Variants in KCTD20 observed in about 807,000 individuals in gnomAD.
KCTD20 encodes BTB/POZ domain-containing protein KCTD20.
A neutral mutation model predicts 39.6 loss-of-function variants in KCTD20; 30 were observed. The ratio of observed to expected loss-of-function variants is 0.76; its 90% CI spans 0.57 to 1.03. The LOEUF is 1.03. Ranked by LOEUF, KCTD20 falls within the 50% of genes least tolerant of loss-of-function variation. The probability of loss-of-function intolerance (pLI) is 0.00; values close to 1 mark genes in which losing one functional copy is unlikely to be tolerated. For missense variants in KCTD20, 422 were observed against 522.0 expected (o/e 0.81, Z 1.87); for synonymous variants, 162 against 180.6 (o/e 0.90, Z 0.83).
Position 36,487,913 on chromosome 6 carries a change from T to C in KCTD20, c.*738T>C, listed in dbSNP as rs774786753. On this transcript the variant is annotated 3_prime_UTR_variant, in exon 8 of 8. Transcript: ENST00000373731. ...TTTGGAATGAAACTCACAATGCAAGTAGAAGGACCTCTCCAAATCAGGCCA... is the reference window on the plus strand; with the variant it reads ...TTTGGAATGAAACTCACAATGCAAGCAGAAGGACCTCTCCAAATCAGGCCA... 1 of 152,176 alleles carries C rather than the reference T, an allele frequency of 6.6e-6. No homozygotes were observed. Among genetic ancestry groups the C allele is most frequent in the Admixed American group, 6.5e-5 (1 of 15,268 alleles). The allele number at this position is 152,176 out of a possible 1,614,324, so 9.4% of individuals were successfully genotyped here.
intron 1 of KCTD20, among the ~76,000 whole-genome samples, chr6:36,467,012 A>G (rs1342561541): frequency 6.6e-6 from 1 of 152,018 alleles, no homozygotes; most frequent in Non-Finnish European, 1.5e-5. Context: ...ATGTGCCATT[A>G]AACATTAATC....
intron 1 of KCTD20, among the ~76,000 whole-genome samples, chr6:36,455,927 G>A (rs912237741): frequency 6.6e-6 from 1 of 152,176 alleles, no homozygotes; most frequent in Admixed American, 6.5e-5. Context: ...AGCAACACCT[G>A]TATTAGTGTT....
At chr6:36,479,848 G>GTGC (rs1776191176) in intron 5 of KCTD20, 137 bp downstream of exon 5, 1 of 720,060 alleles carries the variant, frequency 1.4e-6, no homozygotes, top group Admixed American at 3.4e-5. Flanking sequence ...CTGGAGTGCA[G>GTGC]TGGCACGATC....
At chr6:36,459,648 T>C (rs1394813050) in intron 1 of KCTD20, among the ~76,000 whole-genome samples, 12 of 152,342 alleles carry the variant, frequency 7.9e-5, no homozygotes, top group Admixed American at 7.8e-4. Flanking sequence ...GACAGTGATT[T>C]GTGGATTGTT....
At chr6:36,486,777 C>T in intron 7 of KCTD20, 106 bp from the exon 8 acceptor site, 2 of 894,926 alleles carry the variant, frequency 2.2e-6, no homozygotes, top group East Asian at 2.4e-5. Context: ...ACATATTTTC[C>T]ATGCTGTGAT....
At chr6:36,470,303 T>C (rs2127444711) in intron 2 of KCTD20, 46 bp downstream of exon 2, 1 of 1,530,268 alleles carries the variant, frequency 6.5e-7, no homozygotes, top group Non-Finnish European at 8.9e-7. Context: ...TTTCCAATAC[T>C]AGAGCATCTA....
rs986150739 is a variant in KCTD20 at position 36,450,007 on chromosome 6, A to G, written c.-47+6896A>G. 2.6e-5 allele frequency among the ~76,000 whole-genome samples: 4 copies of G among 152,066 alleles called. No homozygotes were observed. In the East Asian group the frequency reaches 7.8e-4, roughly 29 times the overall value. On this transcript the variant is annotated intron_variant, in intron 1 of 7. Transcript: ENST00000373731. Reference sequence around the variant, plus strand: ...GTGAAACTCCGTCTGTACTAAAAATATAAAAAATTAGCTGGGCGTGGTTGC... The same window carrying G: ...GTGAAACTCCGTCTGTACTAAAAATGTAAAAAATTAGCTGGGCGTGGTTGC...
intron 1 of KCTD20, among the ~76,000 whole-genome samples, chr6:36,462,351 C>T (rs1258719989): frequency 6.6e-6 from 1 of 152,198 alleles, no homozygotes; most frequent in Non-Finnish European, 1.5e-5. Context: ...GGCCTCCCAA[C>T]CCCTAGATTG....
At chr6:36,481,955 T>C (rs923670445) in intron 6 of KCTD20, among the ~76,000 whole-genome samples, 196 bp downstream of exon 6, 1 of 152,228 alleles carries the variant, frequency 6.6e-6, no homozygotes, top group Non-Finnish European at 1.5e-5. Flanking sequence ...CATTCACTCT[T>C]TCTCTGGTGT....
chr6:36,446,024 G>GTTTTTTTTTTTTTTTTTTTTT (rs553882182), intron 1 of KCTD20, among the ~76,000 whole-genome samples: 1 of 126,538 alleles, frequency 7.9e-6, no homozygotes. Flanking sequence ...TATGAACTCA[G>GTTTTTTTTTTTTTTTTTTTTT]TTTTTTTTTT....
intron 1 of KCTD20, among the ~76,000 whole-genome samples, chr6:36,456,673 G>C (rs997060281): frequency 2.1e-5 from 3 of 140,490 alleles, no homozygotes; most frequent in African/African-American, 8.0e-5. Context: ...CTGCAGTTTT[G>C]ACCTCCTGAG....
intron 1 of KCTD20, among the ~76,000 whole-genome samples, chr6:36,448,357 AT>A (rs768344755): frequency 6.6e-6 from 1 of 152,342 alleles, no homozygotes; most frequent in East Asian, 1.9e-4. Context: ...TTATTGTTGC[AT>A]AGATTATTGA....
intron 5 of KCTD20, among the ~76,000 whole-genome samples, chr6:36,481,202 C>G (rs1776235461): frequency 6.6e-6 from 1 of 152,214 alleles, no homozygotes. Flanking sequence ...TTATGGTACT[C>G]TAACTCCATG....
intron 1 of KCTD20, among the ~76,000 whole-genome samples, chr6:36,450,088 C>T (rs916169822): frequency 2.0e-4 from 29 of 147,870 alleles, no homozygotes; most frequent in African/African-American, 7.3e-4. Flanking sequence ...GGCGTGAACC[C>T]AGGAGGCGGA....
chr6:36,459,429 A>G (rs1775538825), intron 1 of KCTD20, among the ~76,000 whole-genome samples: 1 of 152,264 alleles, frequency 6.6e-6, no homozygotes, highest in African/African-American at 2.4e-5. Flanking sequence ...ATCAGGATGC[A>G]TCTGAAAATT....
intron 1 of KCTD20, chr6:36,451,476 A>G (rs1775253629): frequency 6.6e-6 from 1 of 152,114 alleles, no homozygotes; most frequent in South Asian, 2.1e-4. Flanking sequence ...TATCAATACT[A>G]TTTCACACTA....
intron 7 of KCTD20, among the ~76,000 whole-genome samples, chr6:36,485,910 C>CT (rs539635393): frequency 1.9e-4 from 28 of 147,678 alleles, no homozygotes; most frequent in African/African-American, 4.5e-4. Flanking sequence ...AGTTGGAGGA[C>CT]TTTTTTTTTT....
intron 3 of KCTD20, among the ~76,000 whole-genome samples, chr6:36,477,987 G>GC (rs1776120402): frequency 6.6e-6 from 1 of 151,160 alleles, no homozygotes; most frequent in African/African-American, 2.4e-5. Context: ...CCCAACTGCT[G>GC]GGGAGGCTAA....
intron 1 of KCTD20, among the ~76,000 whole-genome samples, chr6:36,453,124 CAGCCTCCCAAGT>C (rs1249307532): frequency 6.6e-6 from 1 of 150,526 alleles, no homozygotes; most frequent in East Asian, 2.0e-4. Context: ...TTGAGTGCCT[CAGCCTCCCAAGT>C]AGCTGGGATT....
Sources: gnomAD v4.1 joint callset for allele counts (sites outside exome capture counted in the v4.1 genomes callset) on GRCh38, gnomAD v4.1.1 for gene constraint, MANE v1.5 for transcripts, NCBI Gene and HGNC (gene_info 2026-07-23, HGNC 2026-07-21) for gene names.